Variants in FBXW7 observed in about 807,000 individuals in gnomAD.
FBXW7 encodes the protein F-box and WD repeat domain containing 7, also known as F-box/WD repeat-containing protein 7.
FBXW7 carries 11 observed loss-of-function variants against 86.3 expected under a neutral mutation model. The observed-to-expected ratio is 0.13, with a 90% CI of 0.08 to 0.21. The LOEUF is 0.21. FBXW7 is among the 10% of genes least tolerant of loss of function. The pLI is 1.00. For missense variants in FBXW7, 488 were observed against 847.4 expected, an observed-to-expected ratio of 0.58 and a Z score of 5.27; for synonymous variants, 313 against 297.9, an observed-to-expected ratio of 1.05 and a Z score of -0.52.
chr4:152,330,711 C>A (rs201829245), intron 9 of FBXW7, 21 bp downstream of exon 9: 1 of 1,606,296 alleles, frequency 6.2e-7, no homozygotes, highest in African/African-American at 1.3e-5. Context: ...GTTTCTGTTA[C>A]ATTGTGCAGA....
intron 5 of FBXW7, among the ~76,000 whole-genome samples, chr4:152,348,325 T>C (rs1731469039): frequency 6.6e-6 from 1 of 152,114 alleles, no homozygotes; most frequent in Admixed American, 6.5e-5. Flanking sequence ...AGTTCTATTT[T>C]CTTTTCCTCC....
intron 2 of FBXW7, among the ~76,000 whole-genome samples, chr4:152,487,527 T>G (rs976380293): frequency 6.6e-6 from 1 of 152,114 alleles, no homozygotes; most frequent in African/African-American, 2.4e-5. Context: ...AAATCAGTAC[T>G]GTTTATCTTT....
chr4:152,498,826 G>C (rs1374337236), intron 2 of FBXW7, among the ~76,000 whole-genome samples: 2 of 151,932 alleles, frequency 1.3e-5, no homozygotes, highest in Non-Finnish European at 2.9e-5. Context: ...TGGCATTCCT[G>C]GTAAGAAAAA....
chr4:152,361,890 C>T (rs993323883), intron 4 of FBXW7, among the ~76,000 whole-genome samples: 3 of 139,272 alleles, frequency 2.2e-5, no homozygotes, highest in Admixed American at 1.6e-4. Context: ...TGCTTGAACT[C>T]GGGAGGTGGA....
At chr4:152,395,963 A>T (rs781549514) in intron 4 of FBXW7, among the ~76,000 whole-genome samples, 10 of 152,036 alleles carry the variant, frequency 6.6e-5, no homozygotes, top group Non-Finnish European at 1.5e-4. Flanking sequence ...AATTCCAATG[A>T]ATTTTGAAAA....
intron 11 of FBXW7, 30 bp from the exon 12 acceptor site, chr4:152,326,261 A>T (rs1729002956): frequency 6.4e-7 from 1 of 1,554,938 alleles, no homozygotes; most frequent in Non-Finnish European, 8.8e-7. Context: ...AAAACAAAAC[A>T]AAACAAAAAA....
chr4:152,450,345 C>T (rs1741797463), intron 2 of FBXW7, among the ~76,000 whole-genome samples: 1 of 152,158 alleles, frequency 6.6e-6, no homozygotes, highest in Non-Finnish European at 1.5e-5. Flanking sequence ...TGGGTATTGC[C>T]AAGAACTCTG....
chr4:152,519,314 A>AG (rs2149727333), intron 2 of FBXW7, among the ~76,000 whole-genome samples: 1 of 152,214 alleles, frequency 6.6e-6, no homozygotes, highest in Admixed American at 6.5e-5. Flanking sequence ...AAATAAATAA[A>AG]TAAATAAAGA....
At chr4:152,531,693 A>G (rs528729716) in intron 2 of FBXW7, among the ~76,000 whole-genome samples, 8 of 152,252 alleles carry the variant, frequency 5.3e-5, no homozygotes, top group African/African-American at 1.9e-4. Flanking sequence ...TCTGTCAGCT[A>G]TTTTTGGCCT....
intron 2 of FBXW7, among the ~76,000 whole-genome samples, chr4:152,416,961 T>A (rs1269245083): frequency 6.6e-6 from 1 of 152,190 alleles, no homozygotes; most frequent in African/African-American, 2.4e-5. Flanking sequence ...CATTTTTGTA[T>A]CTTTATATTC....
At position 152,411,624 on chromosome 4, in the gene FBXW7, A is replaced by G. The variant is rs1715371979; in HGVS notation, c.180T>C (p.Val60=). ...EEHTARNGEV[V]GVEPRPGGQN... ...GGCCTCCAGGTCTAGGTTCTACTCCAACAACTTCACCATTCCTTGCAGTGT... is the reference window on the plus strand; with the variant it reads ...GGCCTCCAGGTCTAGGTTCTACTCCGACAACTTCACCATTCCTTGCAGTGT... The change falls in exon 4 of 14, where the codon GTT becomes GTC. Residue 60 remains valine, a synonymous_variant. Transcript: ENST00000281708. 5.0e-6 allele frequency: 8 copies of G among 1,613,952 alleles called. No homozygotes were observed. The highest frequency in any genetic ancestry group is 4.2e-6 in the Non-Finnish European group (5 of 1,179,902).
chr4:152,463,348 T>C (rs984187716), intron 2 of FBXW7, among the ~76,000 whole-genome samples: 4 of 152,096 alleles, frequency 2.6e-5, no homozygotes, highest in Admixed American at 2.6e-4. Context: ...GAAACTTCGT[T>C]GTAAGTTTAA....
chr4:152,447,653 T>G (rs1741530740), intron 2 of FBXW7, among the ~76,000 whole-genome samples: 1 of 152,224 alleles, frequency 6.6e-6, no homozygotes, highest in Non-Finnish European at 1.5e-5. Flanking sequence ...TACTTTAAAA[T>G]AGCTTTATAT....
intron 2 of FBXW7, among the ~76,000 whole-genome samples, chr4:152,501,955 C>A (rs918219209): frequency 3.3e-5 from 5 of 152,184 alleles, no homozygotes; most frequent in Admixed American, 6.5e-5. Flanking sequence ...ATAAGAGATG[C>A]CACAAAGAAA....
chr4:152,391,998 A>G (rs551345909), intron 4 of FBXW7, among the ~76,000 whole-genome samples: 3 of 152,314 alleles, frequency 2.0e-5, no homozygotes, highest in South Asian at 2.1e-4. Flanking sequence ...TAACTGAAAT[A>G]AAGTATTGTA....
At chr4:152,426,704 G>A (rs1739420563) in intron 2 of FBXW7, among the ~76,000 whole-genome samples, 1 of 152,172 alleles carries the variant, frequency 6.6e-6, no homozygotes, top group African/African-American at 2.4e-5. Context: ...TGCCCACTCG[G>A]ATAACAGACA....
At chr4:152,389,433 A>C (rs2126804099) in intron 4 of FBXW7, among the ~76,000 whole-genome samples, 1 of 152,272 alleles carries the variant, frequency 6.6e-6, no homozygotes, top group South Asian at 2.1e-4. Flanking sequence ...CTATTCAGCT[A>C]TAAAAAAGAA....
intron 4 of FBXW7, among the ~76,000 whole-genome samples, chr4:152,398,764 TTA>T (rs1216767392): frequency 2.0e-5 from 3 of 152,036 alleles, no homozygotes. Context: ...ATACACAAAA[TTA>T]TGTCTCTCAG....
chr4:152,506,065 T>C (rs551911431), intron 2 of FBXW7, among the ~76,000 whole-genome samples: 5 of 152,156 alleles, frequency 3.3e-5, no homozygotes, highest in African/African-American at 7.2e-5. Context: ...AAGTGCAGTA[T>C]TGTAAATATA....
Sources: allele counts gnomAD v4.1 joint callset (sites outside exome capture counted in the v4.1 genomes callset), GRCh38; gene constraint gnomAD v4.1.1; transcripts MANE v1.5; gene names NCBI Gene and HGNC (gene_info 2026-07-23, HGNC 2026-07-21).